Variants in MVB12B observed in about 807,000 individuals in gnomAD.
The protein encoded by MVB12B is multivesicular body subunit 12B.
In MVB12B, 16 loss-of-function variants were observed where a neutral mutation model predicts 41.6. The observed-to-expected ratio is 0.38, with a 90% CI of 0.26 to 0.58. The LOEUF is 0.58. Among genes scored for constraint, MVB12B ranks in the 20% least tolerant of loss-of-function variants. MVB12B has a pLI of 0.62. For synonymous variants in MVB12B, 133 were observed against 139.7 expected, an observed-to-expected ratio of 0.95 and a Z score of 0.34; for missense variants, 274 against 380.2, an observed-to-expected ratio of 0.72 and a Z score of 2.32.
At chr9:126,438,960 G>A (rs1311810257) in intron 7 of MVB12B, among the ~76,000 whole-genome samples, 1 of 152,054 alleles carries the variant, frequency 6.6e-6, no homozygotes, top group East Asian at 1.9e-4. Flanking sequence ...GCTTGCTCCT[G>A]ATAGTTCTGG....
intron 7 of MVB12B, among the ~76,000 whole-genome samples, chr9:126,449,382 C>A (rs951919128): frequency 1.3e-5 from 2 of 152,098 alleles, no homozygotes; most frequent in Non-Finnish European, 2.9e-5. Context: ...AGAGAAGACC[C>A]GCAGGCCCTT....
At chr9:126,456,403 C>T (rs977718195) in intron 7 of MVB12B, among the ~76,000 whole-genome samples, 1 of 152,252 alleles carries the variant, frequency 6.6e-6, no homozygotes, top group Non-Finnish European at 1.5e-5. Context: ...TGACATCATT[C>T]ATAAAGTTAT....
intron 6 of MVB12B, among the ~76,000 whole-genome samples, chr9:126,411,440 C>A (rs1400071624): frequency 6.6e-6 from 1 of 152,192 alleles, no homozygotes; most frequent in African/African-American, 2.4e-5. Flanking sequence ...GTCGCCACAT[C>A]CTAATTATAG....
intron 7 of MVB12B, among the ~76,000 whole-genome samples, chr9:126,444,694 T>A (rs1017628945): frequency 2.6e-5 from 4 of 152,232 alleles, no homozygotes; most frequent in Non-Finnish European, 5.9e-5. Context: ...TTCTCGGTTT[T>A]CTGGTATATT....
intron 2 of MVB12B, among the ~76,000 whole-genome samples, chr9:126,364,005 G>A (rs2118900960): frequency 6.6e-6 from 1 of 152,288 alleles, no homozygotes; most frequent in East Asian, 1.9e-4. Flanking sequence ...CTTTCGCATA[G>A]CTGTACCCCC....
Position 126,437,112 on chromosome 9 carries a change from G to A in MVB12B, c.757+15164G>A, listed in dbSNP as rs563560288. Among the ~76,000 whole-genome samples the A allele has an allele frequency of 3.0e-3, 455 of 152,164 alleles. 3 individuals are homozygous for A. The highest frequency in any genetic ancestry group is 3.8e-3 in the Non-Finnish European group (255 of 67,994). The stretch of plus-strand genomic sequence containing the variant: ...GAGCTGCCGTGTGGGTGGGTTTCTC[G>A]AGCCTTCCCATTGTTTTAGGGTGAA... On this transcript the variant is annotated intron_variant, in intron 7 of 9. Coordinates refer to ENST00000361171, the MANE Select transcript of MVB12B (RefSeq NM_033446.3).
chr9:126,396,911 A>T, intron 6 of MVB12B: 1 of 985,514 alleles, frequency 1.0e-6, no homozygotes, highest in Non-Finnish European at 1.2e-6. Flanking sequence ...CGCACTGCCC[A>T]TCAGCACTTG....
chr9:126,344,620 C>T (rs1255469563), intron 2 of MVB12B, among the ~76,000 whole-genome samples: 2 of 152,244 alleles, frequency 1.3e-5, no homozygotes, highest in Admixed American at 6.5e-5. Context: ...AGGGGTTGGA[C>T]ACCGCTCTCC....
intron 6 of MVB12B, among the ~76,000 whole-genome samples, chr9:126,415,437 C>T (rs373289706): frequency 6.6e-6 from 1 of 152,138 alleles, no homozygotes; most frequent in South Asian, 2.1e-4. Context: ...AACAGTGGTA[C>T]CACAATTTTT....
Position 126,395,058 on chromosome 9 carries a change from T to C in MVB12B, c.540-517T>C, listed in dbSNP as rs1831070668. 6.6e-6 allele frequency among the ~76,000 whole-genome samples: 1 copy of C among 152,092 alleles called. No homozygotes were observed. The highest frequency in any genetic ancestry group is 2.1e-4 in the South Asian group (1 of 4,822). ...TTGTGTGGTTCATGGGGCCTCGAGTTTTGTAGTTTGAAGATGACTCCCAAA... is the reference window on the plus strand; with the variant it reads ...TTGTGTGGTTCATGGGGCCTCGAGTCTTGTAGTTTGAAGATGACTCCCAAA... On this transcript the variant is annotated intron_variant, in intron 5 of 9. Transcript: ENST00000361171. This position sits in a 1 kb window ranked among gnomAD's most constrained non-coding sequence, Gnocchi z 4.9.
intron 7 of MVB12B, among the ~76,000 whole-genome samples, chr9:126,464,941 C>T (rs1833168006): frequency 6.6e-6 from 1 of 152,218 alleles, no homozygotes; most frequent in Admixed American, 6.5e-5. Context: ...GCGTGCTTTG[C>T]TTCCCTTAGA....
At chr9:126,357,497 T>C (rs1484033033) in intron 2 of MVB12B, among the ~76,000 whole-genome samples, 1 of 152,208 alleles carries the variant, frequency 6.6e-6, no homozygotes, top group African/African-American at 2.4e-5. Context: ...TTCTTCCACA[T>C]CCTTGCCAAC....
At chr9:126,444,138 T>A (rs1832709619) in intron 7 of MVB12B, among the ~76,000 whole-genome samples, 1 of 152,254 alleles carries the variant, frequency 6.6e-6, no homozygotes, top group Non-Finnish European at 1.5e-5. Context: ...TCCTCCCTCT[T>A]ATGGATACAA....
chr9:126,402,029 C>G (rs950804325), intron 6 of MVB12B, among the ~76,000 whole-genome samples: 1 of 152,126 alleles, frequency 6.6e-6, no homozygotes, highest in Non-Finnish European at 1.5e-5. Flanking sequence ...TTTCCTTTTC[C>G]TGTTGAGGTG....
At chr9:126,501,336 A>T (rs1195017039) in intron 9 of MVB12B, among the ~76,000 whole-genome samples, 1 of 152,100 alleles carries the variant, frequency 6.6e-6, no homozygotes, top group Non-Finnish European at 1.5e-5. Flanking sequence ...CACCTGAGAG[A>T]TGAGTTCACT....
chr9:126,332,355 C>G (rs1464338595), intron 1 of MVB12B, among the ~76,000 whole-genome samples: 1 of 152,192 alleles, frequency 6.6e-6, no homozygotes, highest in Non-Finnish European at 1.5e-5. Context: ...TGTGCACTCT[C>G]CAGTCTCAGT....
At chr9:126,350,929 TG>T (rs1382579676) in intron 2 of MVB12B, among the ~76,000 whole-genome samples, 5 of 152,210 alleles carry the variant, frequency 3.3e-5, no homozygotes, top group Non-Finnish European at 7.3e-5. Context: ...AAAAACTTGT[TG>T]GGGTTTTAAT....
chr9:126,481,794 C>T (rs1308060629), intron 8 of MVB12B, among the ~76,000 whole-genome samples: 1 of 152,196 alleles, frequency 6.6e-6, no homozygotes, highest in Non-Finnish European at 1.5e-5. Context: ...CCTGAGCTTC[C>T]CTGGTTGTGA....
At chr9:126,364,744 TTTTG>T (rs201533582) in intron 2 of MVB12B, among the ~76,000 whole-genome samples, 7 of 152,160 alleles carry the variant, frequency 4.6e-5, no homozygotes, top group African/African-American at 1.4e-4. Context: ...CTTCTTGTTC[TTTTG>T]TTTGTTTGTT....
Sources: gnomAD v4.1 joint callset for allele counts (sites outside exome capture counted in the v4.1 genomes callset) on GRCh38, gnomAD v4.1.1 for gene constraint, Gnocchi (gnomAD v3.1) non-coding constraint, MANE v1.5 for transcripts, NCBI Gene and HGNC (gene_info 2026-07-23, HGNC 2026-07-21) for gene names.